The following NPRL3 variants were observed in gnomAD, a reference collection of about 807,000 sequenced individuals.
The protein encoded by NPRL3 is GATOR1 complex protein NPRL3.
Under a neutral mutation model 57.2 loss-of-function variants are expected in NPRL3, and 23 were observed. That is an observed-to-expected ratio of 0.40 (90% CI 0.29 to 0.57). The LOEUF (loss-of-function observed/expected upper bound fraction) is 0.57, where lower values mean the gene tolerates loss of function less well. Ranked by LOEUF, NPRL3 falls within the 20% of genes least tolerant of loss-of-function variation. NPRL3 has a pLI of 0.42. For synonymous variants in NPRL3, 333 were observed against 321.1 expected, an observed-to-expected ratio of 1.04 and a Z score of -0.39; for missense variants, 691 against 767.1, an observed-to-expected ratio of 0.90 and a Z score of 1.17.
At chr16:99,554 A>G (rs974601227) in intron 8 of NPRL3, among the ~76,000 whole-genome samples, 3 of 151,732 alleles carry the variant, frequency 2.0e-5, no homozygotes, top group African/African-American at 7.3e-5. Context: ...GAGGCAGGAG[A>G]ATCGCTTGAA....
intron 2 of NPRL3, among the ~76,000 whole-genome samples, chr16:137,044 C>CT: frequency 1.0e-5 from 1 of 98,568 alleles, no homozygotes; most frequent in Non-Finnish European, 1.8e-5. Context: ...CCCATCTCTA[C>CT]TAAAAAAAAA....
At position 89,708 on chromosome 16, in the gene NPRL3, C is replaced by T; in HGVS notation, c.1351+5G>A. ...ACTACCACAGCGGTGCCCTGGGGGT[C>T]CTACTTGGGGAGCCAAAGCTGAGGG... On this transcript the variant is annotated splice_donor_5th_base_variant and intron_variant, in intron 12 of 13. Transcript: ENST00000611875. 1.3e-6 allele frequency: 2 copies of T among 1,560,870 alleles called. No homozygotes were observed. The highest frequency in any genetic ancestry group is 1.7e-6 in the Non-Finnish European group (2 of 1,160,326).
In NPRL3 at chr16:86,177, G is replaced by T. The variant is rs1489939034; in HGVS notation, c.*528C>A. On this transcript the variant is annotated 3_prime_UTR_variant, in exon 14 of 14. Coordinates refer to ENST00000611875, the MANE Select transcript of NPRL3 (RefSeq NM_001077350.3). ...TGGACTGTGGTGAGGACTGGGCCAG[G>T]AAAGGCTCAGGGTAGCCTGGGAGGA... 5 of 194,174 alleles carry T rather than the reference G, an allele frequency of 2.6e-5. No individual in the cohort carries two copies. Among genetic ancestry groups the T allele is most frequent in the African/African-American group, 1.2e-4 (5 of 43,034 alleles). The allele number at this position is 194,174 out of a possible 1,614,324, so 12.0% of individuals were successfully genotyped here.
chr16:109,957 T>G (rs574458098), intron 7 of NPRL3, among the ~76,000 whole-genome samples: 33 of 152,064 alleles, frequency 2.2e-4, no homozygotes, highest in Non-Finnish European at 3.7e-4. Context: ...TCCAGCAGAG[T>G]GCACCCTACT....
At chr16:116,290 A>C (rs1900032105) in intron 5 of NPRL3, among the ~76,000 whole-genome samples, 1 of 152,194 alleles carries the variant, frequency 6.6e-6, no homozygotes, top group Non-Finnish European at 1.5e-5. Flanking sequence ...AACATTCGTC[A>C]TGGATTTTGT....
At chr16:100,110 GC>G (rs1899212989) in intron 8 of NPRL3, among the ~76,000 whole-genome samples, 1 of 151,998 alleles carries the variant, frequency 6.6e-6, no homozygotes, top group Non-Finnish European at 1.5e-5. Flanking sequence ...AGGACACTCA[GC>G]CCCACATCCA....
intron 5 of NPRL3, among the ~76,000 whole-genome samples, chr16:113,239 C>T (rs1374089057): frequency 1.3e-5 from 2 of 152,188 alleles, no homozygotes; most frequent in Non-Finnish European, 2.9e-5. Flanking sequence ...AACCAGTCTA[C>T]AATTTGTAAG....
rs1325576633 is a variant in NPRL3, at chr16:86,120, C to CTGTTTGT, written c.*584_*585insACAAACA. On this transcript the variant is annotated 3_prime_UTR_variant, in exon 14 of 14. Coordinates refer to ENST00000611875, the MANE Select transcript of NPRL3 (RefSeq NM_001077350.3). ...GCCCCAGATGGTCAGGACCAGGTCA[C>CTGTTTGT]AGCTTGGCTATGAGCCTGTTTGCGG... 11 of 242,886 alleles carry CTGTTTGT rather than the reference C, an allele frequency of 4.5e-5. No individual in the cohort carries two copies. The Admixed American group carries it at 5.1e-4, about 11-fold the overall frequency. The allele number at this position is 242,886 out of a possible 1,614,324, so 15.0% of individuals were successfully genotyped here. A position where few individuals can be genotyped will look rare whatever the true frequency, so the allele number is the denominator to read the frequency against.
At chr16:113,746 T>G (rs1899917290) in intron 5 of NPRL3, among the ~76,000 whole-genome samples, 1 of 152,192 alleles carries the variant, frequency 6.6e-6, no homozygotes, top group Non-Finnish European at 1.5e-5. Flanking sequence ...CCCTCCTGTT[T>G]ATCTGAGAGG....
chr16:132,007 T>TG (rs1491385743), intron 2 of NPRL3, among the ~76,000 whole-genome samples: 1 of 118,902 alleles, frequency 8.4e-6, no homozygotes, highest in African/African-American at 3.2e-5. Flanking sequence ...TTTCTTTCTT[T>TG]CTTTTTTTTT....
chr16:92,340 TGCC>T (rs1898795745), intron 11 of NPRL3, among the ~76,000 whole-genome samples: 1 of 152,230 alleles, frequency 6.6e-6, no homozygotes, highest in East Asian at 1.9e-4. Flanking sequence ...AAAAACTGCC[TGCC>T]ACAGCCAGGG....
intron 5 of NPRL3, among the ~76,000 whole-genome samples, chr16:116,793 C>CCCG (rs1418675796): frequency 1.4e-5 from 2 of 143,238 alleles, no homozygotes; most frequent in Admixed American, 6.9e-5. Context: ...CGAGACCCCC[C>CCCG]CCCCCCACCG....
chr16:85,487 G>C lies in NPRL3; in HGVS notation c.*1218C>G. On this transcript the variant is annotated 3_prime_UTR_variant, in exon 14 of 14. Coordinates refer to ENST00000611875, the MANE Select transcript of NPRL3 (RefSeq NM_001077350.3). The stretch of plus-strand genomic sequence containing the variant: ...TCAGCTTCGCAGCACCCTCCGGAAA[G>C]GCACCGCCAGCCGTGTCCTCAAGGA... 6.2e-7 allele frequency: 1 copy of C among 1,613,216 alleles called. No individual in the cohort carries two copies. Among genetic ancestry groups the C allele is most frequent in the Non-Finnish European group, 8.5e-7 (1 of 1,180,032 alleles).
chr16:138,282 G>T lies in NPRL3; in HGVS notation c.-15C>A. Reference sequence around the variant, plus strand: ...TTGTCCCGCATCCCGCCGTGGGGCCGGGGCCGGGGGCGGAGGGGGCCAGAG... The same window carrying T: ...TTGTCCCGCATCCCGCCGTGGGGCCTGGGCCGGGGGCGGAGGGGGCCAGAG... On this transcript the variant is annotated 5_prime_UTR_variant, in exon 2 of 14. Coordinates refer to ENST00000611875, the MANE Select transcript of NPRL3 (RefSeq NM_001077350.3). 2 of 1,580,548 alleles carry T rather than the reference G, an allele frequency of 1.3e-6. No individual in the cohort carries two copies. Among genetic ancestry groups the T allele is most frequent in the Non-Finnish European group, 1.7e-6 (2 of 1,164,026 alleles).
Position 86,613 on chromosome 16 carries a change from A to G in NPRL3, c.*92T>C. ...CCCAATGCCAGGCCTCAGGGCCAAG[A>G]GGGCTCAGCCTCAGCACGGGGGGAG... On this transcript the variant is annotated 3_prime_UTR_variant, in exon 14 of 14. Transcript: ENST00000611875. 1 of 1,329,974 alleles carries G rather than the reference A, an allele frequency of 7.5e-7. No homozygotes were observed. Among genetic ancestry groups the G allele is most frequent in the Non-Finnish European group, 1.0e-6 (1 of 983,700 alleles). The allele number at this position is 1,329,974 out of a possible 1,614,324, so 82.4% of individuals were successfully genotyped here.
chr16:104,188 T>C (rs1257626193), intron 7 of NPRL3, among the ~76,000 whole-genome samples: 3 of 146,632 alleles, frequency 2.0e-5, no homozygotes, highest in Non-Finnish European at 4.5e-5. Flanking sequence ...AGCTACTTGG[T>C]AGGCTGAGGC....
At chr16:130,006 G>C (rs1900718208) in intron 3 of NPRL3, among the ~76,000 whole-genome samples, 1 of 152,130 alleles carries the variant, frequency 6.6e-6, no homozygotes, top group Admixed American at 6.6e-5. Flanking sequence ...AACACAGGAA[G>C]GAACCGGATC....
Position 89,750 on chromosome 16 carries a change from G to A in NPRL3, c.1314C>T (p.Ser438=), listed in dbSNP as rs1336372042. 4 of 1,595,918 alleles carry A rather than the reference G, an allele frequency of 2.5e-6. No homozygotes were observed. Among genetic ancestry groups the A allele is most frequent in the South Asian group, 2.2e-5 (2 of 89,188 alleles). Reference sequence around the variant, plus strand: ...AGCTGAGGGCGTTGGGCGTGCTGAGGCTGCGACCGCCGACCCGGGCAGTGA... The same window carrying A: ...AGCTGAGGGCGTTGGGCGTGCTGAGACTGCGACCGCCGACCCGGGCAGTGA... ...VPFTARVGGR[S]LSTPNALSFG... The change falls in exon 12 of 14, where the codon AGC becomes AGT. Residue 438 remains serine, a synonymous_variant. Coordinates refer to ENST00000611875, the MANE Select transcript of NPRL3 (RefSeq NM_001077350.3).
At chr16:134,909 G>C (rs1376572289) in intron 2 of NPRL3, among the ~76,000 whole-genome samples, 1 of 151,316 alleles carries the variant, frequency 6.6e-6, no homozygotes, top group African/African-American at 2.4e-5. Context: ...CACCTTGTTA[G>C]CCAGGATGGT....
Sources: allele counts gnomAD v4.1 joint callset (sites outside exome capture counted in the v4.1 genomes callset), GRCh38; gene constraint gnomAD v4.1.1; transcripts MANE v1.5; gene names NCBI Gene and HGNC (gene_info 2026-07-23, HGNC 2026-07-21).